PDE4D: variants seen among roughly 807,000 people sequenced by gnomAD.
PDE4D encodes phosphodiesterase 4D.
Under a neutral mutation model 87.4 loss-of-function variants are expected in PDE4D, and 24 were observed. The observed-to-expected ratio is 0.27, with a 90% CI of 0.20 to 0.39. PDE4D has a LOEUF of 0.39. Among genes scored for constraint, PDE4D ranks in the 10% least tolerant of loss-of-function variants. The pLI, the probability that PDE4D is intolerant of heterozygous loss-of-function variation, is 1.00. For missense variants in PDE4D, 714 were observed against 1,041.0 expected, an observed-to-expected ratio of 0.69 and a Z score of 4.32; for synonymous variants, 384 against 383.2, an observed-to-expected ratio of 1.00 and a Z score of -0.02.
intron 1 of PDE4D, among the ~76,000 whole-genome samples, chr5:59,612,232 G>GTT (rs58203288): frequency 3.8e-3 from 201 of 52,794 alleles, no homozygotes; most frequent in African/African-American, 7.4e-3. Flanking sequence ...GATTGACACT[G>GTT]TTTTTTTTGT....
chr5:59,893,363 G>C lies in PDE4D; in HGVS notation c.260C>G (p.Pro87Arg). 11 of 1,237,422 alleles carry C rather than the reference G, an allele frequency of 8.9e-6. No homozygotes were observed. Among genetic ancestry groups the C allele is most frequent in the Non-Finnish European group, 1.1e-5 (11 of 991,198 alleles). The allele number at this position is 1,237,422 out of a possible 1,614,324, so 76.7% of individuals were successfully genotyped here. A position where few individuals can be genotyped will look rare whatever the true frequency, so the allele number is the denominator to read the frequency against. The stretch of plus-strand genomic sequence containing the variant: ...GTAGCGGCCGCGGGCAGCCCCGGGC[G>C]GCGGCGGGGGCGGCGGCAGGGGGGG... ...PPPPLPPPPP[P>R]PGAARGRYAS... Residue 87 changes from proline (P) to arginine (R), a missense_variant, in exon 1 of 15, where the codon CCG becomes CGG. Transcript: ENST00000340635.
intron 1 of PDE4D, among the ~76,000 whole-genome samples, chr5:59,546,354 A>G (rs555796580): frequency 6.6e-6 from 1 of 152,286 alleles, no homozygotes; most frequent in Non-Finnish European, 1.5e-5. Flanking sequence ...GAGCTAGGGT[A>G]TTTTTAATCT....
chr5:59,171,839 ATATT>A (rs1016176456), intron 5 of PDE4D, among the ~76,000 whole-genome samples: 14 of 137,712 alleles, frequency 1.0e-4, no homozygotes, highest in African/African-American at 3.8e-4. Context: ...TATATTTTAT[ATATT>A]TATTTTATAA....
chr5:59,822,647 T>C (rs982947347), intron 1 of PDE4D, among the ~76,000 whole-genome samples: 4 of 152,208 alleles, frequency 2.6e-5, no homozygotes, highest in African/African-American at 9.6e-5. Context: ...ATTTGAAGAC[T>C]CTTCTCCCAA....
At chr5:59,235,588 G>A (rs1756239177) in intron 1 of PDE4D, among the ~76,000 whole-genome samples, 1 of 152,126 alleles carries the variant, frequency 6.6e-6, no homozygotes. Context: ...TGAACAATTG[G>A]ATTACTTTTA....
At chr5:59,287,104 G>C (rs890830248) in intron 1 of PDE4D, among the ~76,000 whole-genome samples, 7 of 152,092 alleles carry the variant, frequency 4.6e-5, no homozygotes, top group Admixed American at 1.3e-4. Flanking sequence ...AGCACCAAAG[G>C]GGTTCTAGGG....
At chr5:59,181,541 C>CATATA (rs61135815) in intron 4 of PDE4D, among the ~76,000 whole-genome samples, 6,335 of 60,518 alleles carry the variant, frequency 0.1, 281 homozygotes, top group Non-Finnish European at 0.15. Flanking sequence ...TCAAAGATGT[C>CATATA]TGATATATAT....
intron 5 of PDE4D, among the ~76,000 whole-genome samples, chr5:59,086,128 C>T (rs1331016561): frequency 1.3e-5 from 2 of 152,240 alleles, no homozygotes; most frequent in South Asian, 2.1e-4. Context: ...CATAACCTGC[C>T]AAGGGTCACA....
intron 1 of PDE4D, among the ~76,000 whole-genome samples, chr5:59,358,687 G>C (rs1418867074): frequency 6.6e-6 from 1 of 152,060 alleles, no homozygotes; most frequent in East Asian, 1.9e-4. Context: ...TGCGTAAAGA[G>C]GGGAGGAGTC....
At chr5:60,069,570 A>G (rs754026751) in intron 2 of PDE4D, among the ~76,000 whole-genome samples, 1 of 151,884 alleles carries the variant, frequency 6.6e-6, no homozygotes, top group South Asian at 2.1e-4. Flanking sequence ...CCAGTATCAT[A>G]TTGTTTTGAT....
intron 1 of PDE4D, among the ~76,000 whole-genome samples, chr5:60,368,831 C>G (rs1222796569): frequency 6.6e-6 from 1 of 152,120 alleles, no homozygotes; most frequent in African/African-American, 2.4e-5. Flanking sequence ...CTTCCCCTTG[C>G]CTTCCACTAT....
intron 1 of PDE4D, among the ~76,000 whole-genome samples, chr5:60,254,635 G>A (rs1342114915): frequency 2.6e-5 from 4 of 151,852 alleles, no homozygotes; most frequent in African/African-American, 7.2e-5. Context: ...GAGCAAAATC[G>A]TGTGTAAAAA....
chr5:59,657,391 T>G (rs1744540551), intron 1 of PDE4D, among the ~76,000 whole-genome samples: 1 of 152,160 alleles, frequency 6.6e-6, no homozygotes, highest in Non-Finnish European at 1.5e-5. Flanking sequence ...ATAAGTAGAT[T>G]TTTTTCATCA....
At chr5:60,426,240 T>C (rs563302456) in intron 1 of PDE4D, among the ~76,000 whole-genome samples, 3 of 152,338 alleles carry the variant, frequency 2.0e-5, no homozygotes, top group South Asian at 4.1e-4. Context: ...CGTATGTCTA[T>C]TGCGGCACTA....
chr5:59,733,853 C>A (rs1757723528), intron 1 of PDE4D, among the ~76,000 whole-genome samples: 1 of 151,894 alleles, frequency 6.6e-6, no homozygotes, highest in Non-Finnish European at 1.5e-5. Context: ...TTTTTAAATG[C>A]TGAAATAATT....
chr5:59,073,604 G>T (rs1281932027), intron 5 of PDE4D, among the ~76,000 whole-genome samples: 1 of 151,772 alleles, frequency 6.6e-6, no homozygotes, highest in African/African-American at 2.4e-5. Context: ...AGACACTGTT[G>T]TTCCCTACCC....
In PDE4D at chr5:59,073,319, A is replaced by G. The variant is rs60790143; in HGVS notation, c.809-34348T>C. ...ATTCAGGAAGGGTTCAGATCTAAAG[A>G]GCAGACATTTGAGGTGGTTCTTGAA... On this transcript the variant is annotated intron_variant, in intron 5 of 14. Transcript: ENST00000340635. Among the ~76,000 whole-genome samples the G allele has an allele frequency of 2.7e-3, 413 of 152,254 alleles. 3 individuals carry two copies. In the East Asian group the frequency reaches 0.045, roughly 16 times the overall value.
At chr5:59,739,809 A>T (rs1037601867) in intron 1 of PDE4D, among the ~76,000 whole-genome samples, 1 of 152,188 alleles carries the variant, frequency 6.6e-6, no homozygotes, top group Non-Finnish European at 1.5e-5. Flanking sequence ...TAAAACAATT[A>T]AAAACAGCCA....
In PDE4D at chr5:59,315,640, A is replaced by G. The variant is rs147018653; in HGVS notation, c.456-99672T>C. On this transcript the variant is annotated intron_variant, in intron 1 of 14. Transcript: ENST00000340635. Reference sequence around the variant, plus strand: ...AGGGGGAAATTTCCTAACAGGAAACATCTTAAGCTTGTAGGCAACAACTTT... The same window carrying G: ...AGGGGGAAATTTCCTAACAGGAAACGTCTTAAGCTTGTAGGCAACAACTTT... Among the ~76,000 whole-genome samples the G allele has an allele frequency of 7.8e-3, 1,194 of 152,292 alleles. 6 individuals carry two copies. The highest frequency in any genetic ancestry group is 0.013 in the Non-Finnish European group (913 of 68,014).
Sources: gnomAD v4.1 joint callset for allele counts (sites outside exome capture counted in the v4.1 genomes callset) on GRCh38, gnomAD v4.1.1 for gene constraint, MANE v1.5 for transcripts, NCBI Gene and HGNC (gene_info 2026-07-23, HGNC 2026-07-21) for gene names.